XKR6: variants seen among roughly 807,000 people sequenced by gnomAD.
XKR6 encodes the protein XK related 6.
XKR6 carries 22 observed loss-of-function variants against 56.7 expected under a neutral mutation model. That is an observed-to-expected ratio of 0.39 (90% CI 0.28 to 0.55). The LOEUF (loss-of-function observed/expected upper bound fraction) is 0.55. Among genes scored for constraint, XKR6 ranks in the 20% least tolerant of loss-of-function variants. XKR6 has a pLI of 0.66. For synonymous variants in XKR6, 524 were observed against 387.8 expected (o/e 1.35, Z -4.13); for missense variants, 852 against 889.0 (o/e 0.96, Z 0.53).
At chr8:10,962,079 A>T (rs1030318165) in intron 1 of XKR6, among the ~76,000 whole-genome samples, 1 of 152,250 alleles carries the variant, frequency 6.6e-6, no homozygotes, top group African/African-American at 2.4e-5. Flanking sequence ...GTACAATGAA[A>T]AGTGTCTTGG....
chr8:11,171,623 T>A (rs187524289), intron 1 of XKR6, among the ~76,000 whole-genome samples: 4 of 152,332 alleles, frequency 2.6e-5, no homozygotes, highest in African/African-American at 9.6e-5. Context: ...GTGTGATCTC[T>A]GCACACACAA....
At chr8:10,943,413 C>T (rs1185629277) in intron 1 of XKR6, among the ~76,000 whole-genome samples, 1 of 152,166 alleles carries the variant, frequency 6.6e-6, no homozygotes, top group South Asian at 2.1e-4. Flanking sequence ...CCTGCCTTCT[C>T]GCCTGTTCCC....
chr8:11,121,076 T>C (rs1215648123), intron 1 of XKR6, among the ~76,000 whole-genome samples: 1 of 152,126 alleles, frequency 6.6e-6, no homozygotes, highest in Non-Finnish European at 1.5e-5. Context: ...CCTAAAACCA[T>C]AAAAACCCTA....
chr8:11,160,914 A>AAAAAAAAAAAAAAAAAG (rs1801770989), intron 1 of XKR6, among the ~76,000 whole-genome samples: 1 of 149,972 alleles, frequency 6.7e-6, no homozygotes, highest in African/African-American at 2.4e-5. Flanking sequence ...TCCGTCTCAA[A>AAAAAAAAAAAAAAAAAG]AAAAAAAAAA....
rs1214291870 is a variant in XKR6 at position 11,054,821 on chromosome 8, C to G, written c.765-129991G>C. ...GTGGTGCTCACTGGGGCCCTGGGAG[C>G]TCCTGGGAGGAGGAGGGCCAGCCCA... On this transcript the variant is annotated intron_variant, in intron 1 of 2. Coordinates refer to ENST00000416569, the MANE Select transcript of XKR6 (RefSeq NM_173683.4). Among the ~76,000 whole-genome samples, 3 of 152,170 alleles carry G rather than the reference C, an allele frequency of 2.0e-5. No individual in the cohort carries two copies. The East Asian group carries it at 5.8e-4, about 29-fold the overall frequency.
intron 1 of XKR6, among the ~76,000 whole-genome samples, chr8:10,930,970 T>C (rs958061177): frequency 6.6e-6 from 1 of 152,160 alleles, no homozygotes; most frequent in Admixed American, 6.5e-5. Context: ...TATATGCAGA[T>C]TGCAAAGGAA....
At chr8:10,990,952 G>C (rs1233788563) in intron 1 of XKR6, among the ~76,000 whole-genome samples, 1 of 140,040 alleles carries the variant, frequency 7.1e-6, no homozygotes, top group Non-Finnish European at 1.5e-5. Flanking sequence ...ACCCAGGCTG[G>C]AGTGCAATGG....
rs35783491 is a variant in XKR6, at chr8:11,165,090, C to CTTTTT, written c.764+35481_764+35485dup. On this transcript the variant is annotated intron_variant, in intron 1 of 2. Transcript: ENST00000416569. Reference sequence around the variant, plus strand: ...ACACAACCATTCCCTAGGCTATCACCTTTTTTTTTTTTTTTTTTTTTTTTT... The same window carrying CTTTTT: ...ACACAACCATTCCCTAGGCTATCACCTTTTTTTTTTTTTTTTTTTTTTTTTTTTTT... Among the ~76,000 whole-genome samples, 35 of 82,510 alleles carry CTTTTT rather than the reference C, an allele frequency of 4.2e-4. 5 individuals are homozygous for CTTTTT. Among genetic ancestry groups the CTTTTT allele is most frequent in the Non-Finnish European group, 5.8e-4 (25 of 42,996 alleles). 54.1% of individuals were successfully genotyped at this position (82,510 alleles called of 152,430 possible).
At chr8:10,921,248 A>T (rs944216007) in intron 2 of XKR6, among the ~76,000 whole-genome samples, 2 of 152,264 alleles carry the variant, frequency 1.3e-5, no homozygotes, top group African/African-American at 4.8e-5. Context: ...CATAGAAAGG[A>T]CAGGCATAAC....
At chr8:10,946,680 T>A (rs1021747375) in intron 1 of XKR6, among the ~76,000 whole-genome samples, 2 of 151,940 alleles carry the variant, frequency 1.3e-5, no homozygotes, top group African/African-American at 4.8e-5. Flanking sequence ...TCAGCAGACA[T>A]AATTGAGCTC....
rs530156714 is a variant in XKR6, at chr8:11,201,208, G to A, written c.132C>T (p.Asp44=). The part of the protein sequence containing the change: ...PGGGGCGGGG[D]GSEPGESSSM... ...AGCTGCTCTCGCCGGGCTCGCTGCC[G>A]TCGCCGCCGCCGCCGCAGCCGCCTC... The change falls in exon 1 of 3, where the codon GAC becomes GAT. Residue 44 remains aspartate, a synonymous_variant. Transcript: ENST00000416569. 1.3e-5 allele frequency: 20 copies of A among 1,531,940 alleles called. No homozygotes were observed. The South Asian group carries it at 2.4e-4, about 18-fold the overall frequency. 94.9% of individuals were successfully genotyped at this position (1,531,940 alleles called of 1,614,324 possible).
In XKR6 at chr8:11,038,214, G is replaced by C. The variant is rs1799195186; in HGVS notation, c.765-113384C>G. On this transcript the variant is annotated intron_variant, in intron 1 of 2. Transcript: ENST00000416569. ...AACCTTTATATGAAAAATGTTACTT[G>C]TATCTAACTTGTTTAGCGGTGAGCT... Among the ~76,000 whole-genome samples the C allele has an allele frequency of 2.6e-5, 4 of 152,074 alleles. No homozygotes were observed. The South Asian group carries it at 8.3e-4, about 32-fold the overall frequency.
intron 1 of XKR6, chr8:11,067,190 C>T (rs1370922368): frequency 1.3e-5 from 2 of 152,392 alleles, no homozygotes; most frequent in Non-Finnish European, 2.9e-5. Flanking sequence ...GTCATTCTGA[C>T]TGAGGAGGAG....
At chr8:11,070,599 G>A (rs1800090528) in intron 1 of XKR6, among the ~76,000 whole-genome samples, 1 of 152,210 alleles carries the variant, frequency 6.6e-6, no homozygotes, top group Non-Finnish European at 1.5e-5. Flanking sequence ...TGCCTCACTA[G>A]TAGATCCCAA....
At chr8:11,176,795 G>C (rs543984404) in intron 1 of XKR6, among the ~76,000 whole-genome samples, 1 of 152,002 alleles carries the variant, frequency 6.6e-6, no homozygotes, top group African/African-American at 2.4e-5. Flanking sequence ...ATCCAAGCAG[G>C]AGACCTCCTC....
intron 1 of XKR6, among the ~76,000 whole-genome samples, chr8:11,047,332 T>C (rs777177769): frequency 6.6e-6 from 1 of 152,218 alleles, no homozygotes; most frequent in East Asian, 1.9e-4. Flanking sequence ...ATGAAACCAG[T>C]TGTAACACAA....
intron 1 of XKR6, among the ~76,000 whole-genome samples, chr8:10,995,853 TC>T (rs1172579786): frequency 6.6e-6 from 1 of 152,166 alleles, no homozygotes; most frequent in African/African-American, 2.4e-5. Context: ...GGGCAATCCT[TC>T]CTCTTTGGTG....
intron 1 of XKR6, among the ~76,000 whole-genome samples, chr8:11,192,048 G>C (rs1009740605): frequency 6.6e-6 from 1 of 152,162 alleles, no homozygotes; most frequent in African/African-American, 2.4e-5. Context: ...CAACTGGCCA[G>C]GCACAGCGAC....
intron 2 of XKR6, among the ~76,000 whole-genome samples, chr8:10,906,611 G>A (rs1411258120): frequency 6.6e-6 from 1 of 152,246 alleles, no homozygotes; most frequent in Admixed American, 6.5e-5. Context: ...TTTGTGCACA[G>A]TCTTTCATAA....
Sources: allele counts gnomAD v4.1 joint callset (sites outside exome capture counted in the v4.1 genomes callset), GRCh38; gene constraint gnomAD v4.1.1; transcripts MANE v1.5; gene names NCBI Gene and HGNC (gene_info 2026-07-23, HGNC 2026-07-21).